Variants in DNAI2 observed in about 807,000 individuals in gnomAD.
The protein encoded by DNAI2 is dynein axonemal intermediate chain 2.
In DNAI2, 63 loss-of-function variants were observed where a neutral mutation model predicts 74.7. The ratio of observed to expected loss-of-function variants is 0.84; its 90% CI spans 0.69 to 1.04. The LOEUF is 1.04. Among genes scored for constraint, DNAI2 ranks in the 50% least tolerant of loss-of-function variants. The pLI is 0.00. For synonymous variants in DNAI2, 289 were observed against 314.9 expected, an observed-to-expected ratio of 0.92 and a Z score of 0.87; for missense variants, 688 against 803.2, an observed-to-expected ratio of 0.86 and a Z score of 1.73.
At chr17:74,314,408 C>T in intron 13 of DNAI2, 137 bp downstream of exon 13, 1 of 1,159,700 alleles carries the variant, frequency 8.6e-7, no homozygotes, top group African/African-American at 1.5e-5. Context: ...GCACTGAGTC[C>T]TGAGCCACCC....
intron 6 of DNAI2, among the ~76,000 whole-genome samples, chr17:74,292,622 GC>G (rs2052184713): frequency 6.6e-6 from 1 of 151,926 alleles, no homozygotes; most frequent in South Asian, 2.1e-4. Context: ...TCATCATGCT[GC>G]CCAGGCTGGT....
intron 1 of DNAI2, among the ~76,000 whole-genome samples, chr17:74,275,496 G>A (rs576230151): frequency 6.6e-6 from 1 of 152,158 alleles, no homozygotes; most frequent in South Asian, 2.1e-4. Flanking sequence ...AGGCCCAGGA[G>A]GATGGATCAC....
At chr17:74,282,680 A>G (rs2051463914) in intron 2 of DNAI2, among the ~76,000 whole-genome samples, 1 of 152,224 alleles carries the variant, frequency 6.6e-6, no homozygotes, top group African/African-American at 2.4e-5. Flanking sequence ...TGTCCCACAG[A>G]AAGTTCCAGC....
chr17:74,285,361 G>T (rs1190518599), intron 3 of DNAI2, among the ~76,000 whole-genome samples, 160 bp downstream of exon 3: 1 of 152,174 alleles, frequency 6.6e-6, no homozygotes, highest in Middle Eastern at 3.2e-3. Flanking sequence ...CTGTCTGGGA[G>T]CAGGCAGAGG....
At chr17:74,286,228 G>A (rs1042548432) in intron 3 of DNAI2, among the ~76,000 whole-genome samples, 15 of 150,584 alleles carry the variant, frequency 1.0e-4, no homozygotes, top group African/African-American at 2.2e-4. Flanking sequence ...CCCGAGAGAC[G>A]GAAGCTGCAG....
intron 8 of DNAI2, among the ~76,000 whole-genome samples, chr17:74,302,485 T>G (rs1230760651): frequency 6.6e-6 from 1 of 152,036 alleles, no homozygotes; most frequent in Non-Finnish European, 1.5e-5. Context: ...GAGAATTGCT[T>G]GAACCTGGGA....
intron 4 of DNAI2, among the ~76,000 whole-genome samples, chr17:74,288,501 G>C (rs1315633378): frequency 6.6e-6 from 1 of 151,724 alleles, no homozygotes; most frequent in East Asian, 1.9e-4. Flanking sequence ...CTGATGTGAG[G>C]AGAACATCTG....
chr17:74,308,615 G>A (rs889589244), intron 9 of DNAI2, among the ~76,000 whole-genome samples: 4 of 152,090 alleles, frequency 2.6e-5, no homozygotes, highest in Admixed American at 1.3e-4. Flanking sequence ...TCGACCTCCT[G>A]GGCTCAAGCG....
At chr17:74,284,935 C>T in intron 2 of DNAI2, 105 bp from the exon 3 acceptor site, 1 of 1,476,576 alleles carries the variant, frequency 6.8e-7, no homozygotes, top group Non-Finnish European at 9.4e-7. Context: ...CAGGGCGCCT[C>T]AGCATCCAGC....
At chr17:74,279,023 C>T (rs1402735605) in intron 1 of DNAI2, among the ~76,000 whole-genome samples, 3 of 152,000 alleles carry the variant, frequency 2.0e-5, no homozygotes, top group Admixed American at 1.3e-4. Flanking sequence ...AAAAATTAGC[C>T]GGGTGTGGTG....
At chr17:74,307,407 C>A (rs763598909) in intron 9 of DNAI2, 10 of 425,418 alleles carry the variant, frequency 2.4e-5, no homozygotes, top group Admixed American at 1.3e-4. Context: ...TGGGCTAATG[C>A]CTGTAATCCC....
intron 6 of DNAI2, among the ~76,000 whole-genome samples, chr17:74,298,791 G>A (rs934545665): frequency 2.6e-5 from 4 of 152,080 alleles, no homozygotes; most frequent in South Asian, 2.1e-4. Context: ...GCCCAGCTAG[G>A]TTTTAAATTT....
intron 4 of DNAI2, among the ~76,000 whole-genome samples, chr17:74,288,809 C>T (rs2051909324): frequency 6.6e-6 from 1 of 152,098 alleles, no homozygotes; most frequent in Non-Finnish European, 1.5e-5. Context: ...AAGAAAAAAG[C>T]AAGGCCGTCC....
chr17:74,290,976 T>C (rs2052053945), intron 5 of DNAI2, 44 bp from the exon 6 acceptor site: 1 of 1,571,776 alleles, frequency 6.4e-7, no homozygotes, highest in Non-Finnish European at 8.8e-7. Flanking sequence ...ATCCTGTCCT[T>C]TTCTTTCCGG....
intron 9 of DNAI2, among the ~76,000 whole-genome samples, chr17:74,307,980 T>C (rs1476019189): frequency 6.6e-6 from 1 of 152,038 alleles, no homozygotes; most frequent in East Asian, 1.9e-4. Context: ...TTATTTTTAG[T>C]AGAGGCAGGG....
At chr17:74,287,556 G>A (rs1332944849) in intron 4 of DNAI2, among the ~76,000 whole-genome samples, 1 of 152,230 alleles carries the variant, frequency 6.6e-6, no homozygotes, top group Non-Finnish European at 1.5e-5. Flanking sequence ...TCACTGCAGA[G>A]GGTGTATGCC....
chr17:74,314,449 C>A, intron 13 of DNAI2, 140 bp from the exon 14 acceptor site: 1 of 767,894 alleles, frequency 1.3e-6, no homozygotes, highest in Non-Finnish European at 2.0e-6. Context: ...GGGGCTTGTC[C>A]CGGAGCTGGC....
At chr17:74,297,901 G>T (rs1391682487) in intron 6 of DNAI2, among the ~76,000 whole-genome samples, 1 of 152,110 alleles carries the variant, frequency 6.6e-6, no homozygotes, top group Non-Finnish European at 1.5e-5. Context: ...TTCGGGAGTG[G>T]GAGCCAGGAT....
chr17:74,282,420 C>T (rs186637442), intron 2 of DNAI2, among the ~76,000 whole-genome samples: 3 of 152,284 alleles, frequency 2.0e-5, no homozygotes, highest in Admixed American at 2.0e-4. Flanking sequence ...CCCACCTCAG[C>T]CTCCCTGGTA....
Sources: gnomAD v4.1 joint callset for allele counts (sites outside exome capture counted in the v4.1 genomes callset) on GRCh38, gnomAD v4.1.1 for gene constraint, MANE v1.5 for transcripts, NCBI Gene and HGNC (gene_info 2026-07-23, HGNC 2026-07-21) for gene names.